KIAA0040: variants seen among roughly 807,000 people sequenced by gnomAD.
The protein encoded by KIAA0040 is KIAA0040, also known as uncharacterized protein KIAA0040.
A neutral mutation model predicts 7.2 loss-of-function variants in KIAA0040; 10 were observed. The ratio of observed to expected loss-of-function variants is 1.38; its 90% CI spans 0.85 to 2.34. The LOEUF (loss-of-function observed/expected upper bound fraction) is 2.34. Among genes scored for constraint, KIAA0040 ranks in the 30% most tolerant of loss-of-function variants. The pLI is 0.00. For missense variants in KIAA0040, 89 were observed against 108.2 expected (o/e 0.82, Z 0.79); for synonymous variants, 49 against 40.1 (o/e 1.22, Z -0.84).
intron 2 of KIAA0040, among the ~76,000 whole-genome samples, chr1:175,171,181 GT>G (rs1281970826): frequency 2.0e-5 from 3 of 152,170 alleles, no homozygotes; most frequent in African/African-American, 7.2e-5. Context: ...ATGGAGTATG[GT>G]TATCTAATGT....
chr1:175,180,995 C>T (rs1009563590), intron 1 of KIAA0040, among the ~76,000 whole-genome samples: 6 of 151,812 alleles, frequency 4.0e-5, no homozygotes, highest in African/African-American at 9.7e-5. Flanking sequence ...CAGGCATGCA[C>T]CACCACATCT....
chr1:175,185,158 C>G (rs565204599), intron 1 of KIAA0040, among the ~76,000 whole-genome samples: 54 of 152,068 alleles, frequency 3.6e-4, no homozygotes, highest in African/African-American at 1.3e-3. Flanking sequence ...GGATGCTGAA[C>G]TGGTAATTCC....
chr1:175,161,968 G>A (rs1676561128), intron 3 of KIAA0040, among the ~76,000 whole-genome samples: 1 of 152,152 alleles, frequency 6.6e-6, no homozygotes, highest in African/African-American at 2.4e-5. Context: ...CTTGCAGGCT[G>A]CTTAGTGATG....
intron 1 of KIAA0040, among the ~76,000 whole-genome samples, chr1:175,177,900 T>C (rs1047693500): frequency 6.6e-6 from 1 of 152,226 alleles, no homozygotes; most frequent in Non-Finnish European, 1.5e-5. Flanking sequence ...GTAATGTGTG[T>C]CTGGGCTGTT....
At chr1:175,179,579 A>AG (rs1269602908) in intron 1 of KIAA0040, among the ~76,000 whole-genome samples, 1 of 152,198 alleles carries the variant, frequency 6.6e-6, no homozygotes, top group Non-Finnish European at 1.5e-5. Flanking sequence ...CCTTGGGAAT[A>AG]GGGGGTGAGG....
At chr1:175,175,465 T>C (rs1269715721) in intron 2 of KIAA0040, among the ~76,000 whole-genome samples, 1 of 151,338 alleles carries the variant, frequency 6.6e-6, no homozygotes, top group Non-Finnish European at 1.5e-5. Context: ...GAAGTCAGTG[T>C]GGCGATTCCT....
intron 1 of KIAA0040, among the ~76,000 whole-genome samples, chr1:175,181,237 G>A (rs1462779525): frequency 6.6e-6 from 1 of 151,964 alleles, no homozygotes; most frequent in Non-Finnish European, 1.5e-5. Context: ...TATTTGTGGG[G>A]GGCGGGGGGC....
chr1:175,185,036 A>T (rs1168904840), intron 1 of KIAA0040, among the ~76,000 whole-genome samples: 2 of 152,202 alleles, frequency 1.3e-5, no homozygotes, highest in Non-Finnish European at 2.9e-5. Flanking sequence ...TAAAATAGGG[A>T]TGTTACAGGT....
chr1:175,160,811 T>C lies in KIAA0040; in HGVS notation c.203A>G (p.Lys68Arg), dbSNP rs1462524485. The change falls in exon 4 of 4, where the codon AAG (lysine) becomes AGG (arginine). Residue 68 changes from lysine (K) to arginine (R), a missense_variant. Lys to Arg is a conservative substitution (Grantham distance 26, BLOSUM62 2). Coordinates refer to ENST00000423313, the MANE Select transcript of KIAA0040 (RefSeq NM_014656.3). Reference protein sequence around the residue: ...RGQQPEKNKKKKKKKKKKDEE... With the variant: ...RGQQPEKNKKRKKKKKKKDEE... ...ATCCTTCTTCTTCTTCTTCTTCTTC[T>C]TCTTCTTGTTCTTCTCTGGCTGCTG... is the stretch of plus-strand genomic sequence containing the variant. 9 of 1,536,424 alleles carry C rather than the reference T, an allele frequency of 5.9e-6. No homozygotes were observed. Among genetic ancestry groups the C allele is most frequent in the Non-Finnish European group, 7.9e-6 (9 of 1,134,262 alleles).
intron 2 of KIAA0040, among the ~76,000 whole-genome samples, chr1:175,172,634 C>A (rs1223310685): frequency 1.3e-5 from 2 of 152,218 alleles, no homozygotes; most frequent in Admixed American, 1.3e-4. Flanking sequence ...GTTTGGGGAA[C>A]ATTCACTTAA....
chr1:175,178,349 CTG>C (rs1167245695), intron 1 of KIAA0040, among the ~76,000 whole-genome samples: 1 of 152,232 alleles, frequency 6.6e-6, no homozygotes, highest in African/African-American at 2.4e-5. Flanking sequence ...TTCTTGGCCT[CTG>C]GGGCTGGGAA....
At chr1:175,181,926 G>A (rs917945595) in intron 1 of KIAA0040, among the ~76,000 whole-genome samples, 9 of 152,170 alleles carry the variant, frequency 5.9e-5, no homozygotes, top group African/African-American at 2.2e-4. Flanking sequence ...CCAACCTCCC[G>A]ATGTTAAGGC....
At chr1:175,187,233 C>G (rs187243666) in intron 1 of KIAA0040, among the ~76,000 whole-genome samples, 16 of 152,324 alleles carry the variant, frequency 1.1e-4, no homozygotes, top group African/African-American at 3.8e-4. Context: ...CACCATTCAA[C>G]AAGCGGTTAC....
chr1:175,185,544 A>C (rs972826631), intron 1 of KIAA0040, among the ~76,000 whole-genome samples: 2 of 152,230 alleles, frequency 1.3e-5, no homozygotes, highest in Admixed American at 6.5e-5. Flanking sequence ...CAGACAGGAA[A>C]AGGTATGCCA....
intron 2 of KIAA0040, among the ~76,000 whole-genome samples, chr1:175,173,193 A>T (rs550258542): frequency 1.3e-5 from 2 of 151,930 alleles, no homozygotes; most frequent in Non-Finnish European, 2.9e-5. Flanking sequence ...ATCACTATCA[A>T]TTTTCTCCTC....
At chr1:175,182,241 T>C (rs559373289) in intron 1 of KIAA0040, among the ~76,000 whole-genome samples, 4 of 152,348 alleles carry the variant, frequency 2.6e-5, no homozygotes. Context: ...GATTACTGTG[T>C]TAAGGGAACT....
chr1:175,168,101 G>A (rs965904622), intron 2 of KIAA0040, among the ~76,000 whole-genome samples: 10 of 152,120 alleles, frequency 6.6e-5, no homozygotes, highest in African/African-American at 2.4e-4. Flanking sequence ...CTCTGGCAGC[G>A]AGGGCACAGA....
At chr1:175,180,414 G>C (rs1438734653) in intron 1 of KIAA0040, among the ~76,000 whole-genome samples, 1 of 152,186 alleles carries the variant, frequency 6.6e-6, no homozygotes, top group Non-Finnish European at 1.5e-5. Flanking sequence ...AAGATCATGT[G>C]CCAATTCCTC....
intron 2 of KIAA0040, among the ~76,000 whole-genome samples, chr1:175,173,568 C>G (rs1677069100): frequency 6.6e-6 from 1 of 152,182 alleles, no homozygotes; most frequent in South Asian, 2.1e-4. Flanking sequence ...TCTCTGAGTC[C>G]AGAGATCCTA....
Sources: allele counts gnomAD v4.1 joint callset (sites outside exome capture counted in the v4.1 genomes callset), GRCh38; gene constraint gnomAD v4.1.1; transcripts MANE v1.5; gene names NCBI Gene and HGNC (gene_info 2026-07-23, HGNC 2026-07-21).